Variants in DAB1 observed in about 807,000 individuals in gnomAD.
DAB1 encodes the protein disabled homolog 1.
A neutral mutation model predicts 64.6 loss-of-function variants in DAB1; 15 were observed. The ratio of observed to expected loss-of-function variants is 0.23; its 90% CI spans 0.16 to 0.36. DAB1 has a LOEUF of 0.36. Among genes scored for constraint, DAB1 ranks in the 10% least tolerant of loss-of-function variants. The pLI is 1.00. For missense variants in DAB1, 596 were observed against 706.7 expected, an observed-to-expected ratio of 0.84 and a Z score of 1.78; for synonymous variants, 235 against 251.9, an observed-to-expected ratio of 0.93 and a Z score of 0.64.
At chr1:57,712,486 TA>T (rs1289335650) in intron 6 of DAB1, among the ~76,000 whole-genome samples, 2 of 152,334 alleles carry the variant, frequency 1.3e-5, no homozygotes, top group Admixed American at 6.5e-5. Flanking sequence ...TTTTAAGAAT[TA>T]TTAGTGATGT....
chr1:57,036,517 T>C (rs999106539), intron 9 of DAB1, among the ~76,000 whole-genome samples: 16 of 152,220 alleles, frequency 1.1e-4, no homozygotes, highest in African/African-American at 3.9e-4. Context: ...CCCAGGTGAT[T>C]CTTATAGACA....
At chr1:58,344,656 G>A (rs1405874169) in intron 3 of DAB1, among the ~76,000 whole-genome samples, 4 of 152,194 alleles carry the variant, frequency 2.6e-5, no homozygotes, top group African/African-American at 4.8e-5. Context: ...ATGGTGGGCT[G>A]AGTTCAGTGG....
chr1:57,759,919 C>T (rs1648992658), intron 6 of DAB1, among the ~76,000 whole-genome samples: 1 of 152,050 alleles, frequency 6.6e-6, no homozygotes, highest in Non-Finnish European at 1.5e-5. Context: ...TGACTGCATA[C>T]AAGAGCAACG....
intron 5 of DAB1, among the ~76,000 whole-genome samples, chr1:58,103,172 C>A (rs1557651114): frequency 6.6e-6 from 1 of 152,222 alleles, no homozygotes; most frequent in East Asian, 1.9e-4. Context: ...TACTTTAATA[C>A]AAAATGAAAT....
intron 3 of DAB1, among the ~76,000 whole-genome samples, chr1:58,391,063 T>A (rs1291191636): frequency 6.6e-6 from 1 of 152,134 alleles, no homozygotes; most frequent in Middle Eastern, 3.4e-3. Flanking sequence ...GAAAACTAAA[T>A]CCACTCGAGT....
rs117528539 is a variant in DAB1 at position 57,699,093 on chromosome 1, A to C, written n.552-49428T>G. Among the ~76,000 whole-genome samples the C allele has an allele frequency of 8.7e-4, 133 of 152,208 alleles. 2 individuals carry two copies. In the East Asian group the frequency reaches 0.021, roughly 24 times the overall value. On this transcript the variant is annotated intron_variant and non_coding_transcript_variant, in intron 6 of 20. Coordinates refer to the DAB1 transcript ENST00000485760. ...GCTGGGACTACAGGTGCATGCCACC[A>C]TGCTCTGCTAAGTTTTTAATTTTTC... is the stretch of plus-strand genomic sequence containing the variant.
At chr1:57,467,951 T>C (rs1687009791) in intron 7 of DAB1, among the ~76,000 whole-genome samples, 1 of 152,166 alleles carries the variant, frequency 6.6e-6, no homozygotes, top group Non-Finnish European at 1.5e-5. Context: ...TTTATTGAGC[T>C]CAGAACATAG....
At chr1:58,030,550 T>C (rs1317416119) in intron 5 of DAB1, among the ~76,000 whole-genome samples, 2 of 152,142 alleles carry the variant, frequency 1.3e-5, no homozygotes, top group Admixed American at 6.5e-5. Flanking sequence ...ATATCAGATG[T>C]TTTCAGATTT....
intron 7 of DAB1, among the ~76,000 whole-genome samples, chr1:57,567,015 C>CA (rs2101523150): frequency 6.6e-6 from 1 of 152,226 alleles, no homozygotes; most frequent in South Asian, 2.1e-4. Flanking sequence ...AACGTCAATG[C>CA]AAAAATCCTC....
intron 2 of DAB1, among the ~76,000 whole-genome samples, chr1:57,212,423 A>C (rs1666090533): frequency 8.4e-6 from 1 of 119,102 alleles, no homozygotes; most frequent in Non-Finnish European, 1.6e-5. Flanking sequence ...GCTGGAGTGC[A>C]GTGGCGCGAT....
chr1:58,454,790 G>A (rs1435986098), intron 3 of DAB1, among the ~76,000 whole-genome samples: 14 of 152,170 alleles, frequency 9.2e-5, no homozygotes. Flanking sequence ...GTTTGTGACA[G>A]TAAAGCGCTT....
intron 5 of DAB1, among the ~76,000 whole-genome samples, chr1:58,062,219 C>T (rs1196889332): frequency 2.0e-5 from 3 of 152,218 alleles, no homozygotes; most frequent in African/African-American, 7.2e-5. Context: ...TCCCCATAGC[C>T]ATCACCTTGT....
intron 6 of DAB1, among the ~76,000 whole-genome samples, chr1:57,808,395 C>G (rs1040769457): frequency 7.2e-5 from 11 of 152,178 alleles, no homozygotes; most frequent in African/African-American, 2.7e-4. Flanking sequence ...CAACCCTCAA[C>G]TGATAGCTTC....
At chr1:58,313,836 TGTGTGTGTGTGTGTGTGTGTGA>T (rs1662485206) in intron 4 of DAB1, among the ~76,000 whole-genome samples, 1 of 140,288 alleles carries the variant, frequency 7.1e-6, no homozygotes, top group Admixed American at 7.4e-5. Context: ...TGTGTGTGTG[TGTGTGTGTGTGTGTGTGTGTGA>T]GAGAGAGAGA....
chr1:57,959,562 T>C (rs1418173326), intron 5 of DAB1, among the ~76,000 whole-genome samples: 1 of 152,212 alleles, frequency 6.6e-6, no homozygotes, highest in Non-Finnish European at 1.5e-5. Flanking sequence ...AGCCAAAAGA[T>C]TAGAGTGGTT....
At chr1:57,818,568 C>G (rs1024661149) in intron 6 of DAB1, among the ~76,000 whole-genome samples, 5 of 151,668 alleles carry the variant, frequency 3.3e-5, no homozygotes, top group African/African-American at 1.2e-4. Flanking sequence ...TATGTGTTAC[C>G]CATTTGGCTA....
intron 5 of DAB1, among the ~76,000 whole-genome samples, chr1:58,127,360 C>A (rs1653181632): frequency 6.6e-6 from 1 of 151,846 alleles, no homozygotes; most frequent in South Asian, 2.1e-4. Context: ...TGGATATTAG[C>A]CCTTTGTCAG....
chr1:58,448,733 T>G (rs552319174), intron 3 of DAB1, among the ~76,000 whole-genome samples: 1 of 152,118 alleles, frequency 6.6e-6, no homozygotes, highest in Admixed American at 6.5e-5. Flanking sequence ...GTCTCAGAAA[T>G]AAGGGGAAAA....
chr1:57,087,251 G>A (rs910282583), intron 4 of DAB1, among the ~76,000 whole-genome samples: 2 of 152,240 alleles, frequency 1.3e-5, no homozygotes, highest in African/African-American at 4.8e-5. Flanking sequence ...AGACAGCCAG[G>A]TGCATGGGCA....
Sources: allele counts gnomAD v4.1 joint callset (sites outside exome capture counted in the v4.1 genomes callset), GRCh38; gene constraint gnomAD v4.1.1; transcripts MANE v1.5; gene names NCBI Gene and HGNC (gene_info 2026-07-23, HGNC 2026-07-21).